SPMIP4: variants seen among roughly 807,000 people sequenced by gnomAD.
SPMIP4 encodes the protein sperm microtubule inner protein 4.
the SPMIP4 span, among the ~76,000 whole-genome samples, chr7:25,171,214 A>C: frequency 2.6e-5 from 4 of 152,198 alleles, no homozygotes; most frequent in African/African-American, 9.6e-5. Context: ...GGGCTTATCT[A>C]ATCTTGAAAC....
chr7:25,126,617 A>G, the SPMIP4 span, among the ~76,000 whole-genome samples: 1 of 152,186 alleles, frequency 6.6e-6, no homozygotes, highest in South Asian at 2.1e-4. Context: ...TCTTGTTTCT[A>G]TTTATATATT....
At chr7:25,175,669 G>A in the SPMIP4 span, among the ~76,000 whole-genome samples, 8 of 152,130 alleles carry the variant, frequency 5.3e-5, no homozygotes, top group Non-Finnish European at 8.8e-5. Context: ...TAGGGCTCAC[G>A]TTCACCCTTA....
the SPMIP4 span, among the ~76,000 whole-genome samples, chr7:25,173,533 C>T: frequency 6.6e-6 from 1 of 152,200 alleles, no homozygotes; most frequent in Non-Finnish European, 1.5e-5. This position sits in a 1 kb window ranked among gnomAD's most constrained non-coding sequence, Gnocchi z 4.4. Context: ...GCTAACCCCG[C>T]ACTGGCTAGG....
chr7:25,151,743 A>G, the SPMIP4 span: 1 of 866,986 alleles, frequency 1.2e-6, no homozygotes, highest in Non-Finnish European at 1.9e-6. Context: ...TAATAGGTAC[A>G]ATAAATAGAA....
the SPMIP4 span, among the ~76,000 whole-genome samples, chr7:25,143,872 T>C: frequency 3.4e-4 from 52 of 152,204 alleles, no homozygotes; most frequent in African/African-American, 1.2e-3. Flanking sequence ...GTTAGGATTA[T>C]AGACATGAGC....
the SPMIP4 span, chr7:25,134,788 C>G: frequency 5.1e-6 from 5 of 985,390 alleles, no homozygotes; most frequent in Non-Finnish European, 6.0e-6. Context: ...CTATATCTCC[C>G]TCACTTCAGA....
At chr7:25,141,326 C>A in the SPMIP4 span, among the ~76,000 whole-genome samples, 1 of 152,136 alleles carries the variant, frequency 6.6e-6, no homozygotes, top group African/African-American at 2.4e-5. Flanking sequence ...GTAATCCCAG[C>A]ACTTTGGGAG....
At chr7:25,140,890 C>T in the SPMIP4 span, among the ~76,000 whole-genome samples, 17 of 152,166 alleles carry the variant, frequency 1.1e-4, no homozygotes, top group Non-Finnish European at 1.9e-4. Flanking sequence ...CCTGACCCAG[C>T]TCAGTTTTTA....
At chr7:25,174,356 C>G in the SPMIP4 span, among the ~76,000 whole-genome samples, 8 of 152,106 alleles carry the variant, frequency 5.3e-5, no homozygotes, top group East Asian at 1.5e-3. The surrounding 1 kb of genome is among the most constrained non-coding windows in gnomAD (Gnocchi z 4.5). Context: ...GAATAATTAT[C>G]AAATTATTGG....
At chr7:25,173,152 A>C in the SPMIP4 span, among the ~76,000 whole-genome samples, 1 of 151,964 alleles carries the variant, frequency 6.6e-6, no homozygotes, top group East Asian at 1.9e-4. This position sits in a 1 kb window ranked among gnomAD's most constrained non-coding sequence, Gnocchi z 4.4. Context: ...AAAGAGAAAG[A>C]GGTATGGACT....
At chr7:25,173,127 A>AAG in the SPMIP4 span, among the ~76,000 whole-genome samples, 1 of 151,712 alleles carries the variant, frequency 6.6e-6, no homozygotes, top group Non-Finnish European at 1.5e-5. The surrounding 1 kb of genome is among the most constrained non-coding windows in gnomAD (Gnocchi z 4.4). Flanking sequence ...GAGAGACAGG[A>AAG]AGAGAGAGAG....
the SPMIP4 span, among the ~76,000 whole-genome samples, chr7:25,150,536 C>T: frequency 4.6e-5 from 7 of 152,224 alleles, no homozygotes; most frequent in African/African-American, 1.4e-4. Context: ...AAAATTATCA[C>T]TTGCCTATCT....
the SPMIP4 span, among the ~76,000 whole-genome samples, chr7:25,173,749 C>G: frequency 6.6e-6 from 1 of 152,172 alleles, no homozygotes; most frequent in African/African-American, 2.4e-5. The surrounding 1 kb of genome is among the most constrained non-coding windows in gnomAD (Gnocchi z 4.4). Context: ...ACATTCAAAA[C>G]CTAAATGAGT....
chr7:25,145,881 A>C, the SPMIP4 span, among the ~76,000 whole-genome samples: 1 of 152,146 alleles, frequency 6.6e-6, no homozygotes, highest in Non-Finnish European at 1.5e-5. Context: ...CACTAAAATA[A>C]CATGGTTGTA....
At chr7:25,133,184 A>G in the SPMIP4 span, among the ~76,000 whole-genome samples, 2 of 152,156 alleles carry the variant, frequency 1.3e-5, no homozygotes, top group Non-Finnish European at 2.9e-5. Flanking sequence ...TAGTGTGTTC[A>G]TATTTGGACA....
chr7:25,163,362 T>A, the SPMIP4 span, among the ~76,000 whole-genome samples: 5 of 152,148 alleles, frequency 3.3e-5, no homozygotes, highest in African/African-American at 1.2e-4. This position sits in a 1 kb window ranked among gnomAD's most constrained non-coding sequence, Gnocchi z 4.4. Flanking sequence ...CAAACATAGA[T>A]CTACATCATT....
the SPMIP4 span, among the ~76,000 whole-genome samples, chr7:25,175,110 G>A: frequency 6.6e-6 from 1 of 152,014 alleles, no homozygotes; most frequent in Non-Finnish European, 1.5e-5. Flanking sequence ...CACCCCCTCA[G>A]ACCTGGGGAG....
the SPMIP4 span, among the ~76,000 whole-genome samples, chr7:25,178,263 G>A: frequency 2.0e-5 from 3 of 152,144 alleles, no homozygotes; most frequent in African/African-American, 7.2e-5. Context: ...GTGCTGTGAT[G>A]AACATACTTG....
the SPMIP4 span, chr7:25,136,911 C>A: frequency 1.1e-6 from 1 of 933,294 alleles, no homozygotes; most frequent in African/African-American, 1.6e-5. This position sits in a 1 kb window ranked among gnomAD's most constrained non-coding sequence, Gnocchi z 5.7. Context: ...TAGGAGTGTA[C>A]ATTGCAATGC....
Sources: allele counts gnomAD v4.1 joint callset (sites outside exome capture counted in the v4.1 genomes callset), GRCh38; gene constraint gnomAD v4.1.1; non-coding constraint Gnocchi (gnomAD v3.1); transcripts MANE v1.5; gene names NCBI Gene and HGNC (gene_info 2026-07-23, HGNC 2026-07-21).